Variants in CHD1L observed in about 807,000 individuals in gnomAD.
CHD1L encodes ATP-dependent chromatin remodeler CHD1L.
CHD1L carries 118 observed loss-of-function variants against 115.9 expected under a neutral mutation model. The ratio of observed to expected loss-of-function variants is 1.02; its 90% confidence interval spans 0.88 to 1.19. The LOEUF is 1.19. Ranked by LOEUF, CHD1L falls within the 50% of genes most tolerant of loss-of-function variation. The probability of loss-of-function intolerance (pLI) is 0.00; values close to 1 mark genes in which losing one functional copy is unlikely to be tolerated. For synonymous variants in CHD1L, 411 were observed against 387.1 expected, an observed-to-expected ratio of 1.06 and a Z score of -0.72; for missense variants, 1,179 against 1,065.3, an observed-to-expected ratio of 1.11 and a Z score of -1.49.
At chr1:147,235,802 T>C in the CHD1L span, among the ~76,000 whole-genome samples, 1 of 152,186 alleles carries the variant, frequency 6.6e-6, no homozygotes, top group African/African-American at 2.4e-5. Flanking sequence ...TCCTATGGTA[T>C]ATTATTGAGA....
the CHD1L span, among the ~76,000 whole-genome samples, chr1:147,190,797 AG>A: frequency 1.3e-5 from 2 of 152,026 alleles, no homozygotes; most frequent in South Asian, 2.1e-4. Flanking sequence ...CTCGTCATTT[AG>A]CATTAGGTAT....
At chr1:147,188,385 G>A in the CHD1L span, among the ~76,000 whole-genome samples, 11,312 of 151,826 alleles carry the variant, frequency 0.075, 456 homozygotes, top group South Asian at 0.12. Context: ...TTAGCTGGGC[G>A]TTGTTAGTAT....
chr1:147,283,431 T>C (rs1489974119), intron 15 of CHD1L, among the ~76,000 whole-genome samples: 1 of 152,248 alleles, frequency 6.6e-6, no homozygotes, highest in Non-Finnish European at 1.5e-5. Flanking sequence ...ATCATTATCT[T>C]ACCTATCTGT....
At chr1:147,276,337 C>A in intron 14 of CHD1L, 80 bp downstream of exon 14, 2 of 1,171,320 alleles carry the variant, frequency 1.7e-6, no homozygotes, top group Non-Finnish European at 2.4e-6. Flanking sequence ...AAAGAACCAG[C>A]ACTCACCCTC....
chr1:147,288,010 T>C (rs1683936813), intron 19 of CHD1L, among the ~76,000 whole-genome samples: 1 of 152,184 alleles, frequency 6.6e-6, no homozygotes, highest in Non-Finnish European at 1.5e-5. Flanking sequence ...CTGAAAAATG[T>C]TGATCCCTGC....
At chr1:147,287,351 C>T (rs897521967) in intron 18 of CHD1L, among the ~76,000 whole-genome samples, 10 of 152,128 alleles carry the variant, frequency 6.6e-5, no homozygotes, top group African/African-American at 7.2e-5. Context: ...TCCGTCCTTC[C>T]GCAGTCATTT....
At chr1:147,197,911 T>C in the CHD1L span, among the ~76,000 whole-genome samples, 7,336 of 152,236 alleles carry the variant, frequency 0.048, 274 homozygotes, top group East Asian at 0.17. Flanking sequence ...CTGAAGAATG[T>C]TGAAGAACAG....
chr1:147,268,048 C>T (rs1308598681), intron 9 of CHD1L, among the ~76,000 whole-genome samples: 3 of 152,166 alleles, frequency 2.0e-5, no homozygotes, highest in Non-Finnish European at 4.4e-5. Flanking sequence ...AAGCCTTTGG[C>T]ACAGCTAATC....
intron 19 of CHD1L, 67 bp from the exon 20 acceptor site, chr1:147,291,415 T>A (rs2103003881): frequency 1.4e-5 from 18 of 1,312,930 alleles, no homozygotes; most frequent in Non-Finnish European, 2.0e-5. Flanking sequence ...GAAGGCGAGA[T>A]ACGAGGAGGA....
the CHD1L span, chr1:147,214,804 TAAC>T: frequency 6.6e-6 from 1 of 152,086 alleles, no homozygotes; most frequent in Non-Finnish European, 1.5e-5. Flanking sequence ...TTTATCCCCT[TAAC>T]TAGACTATAA....
the CHD1L span, chr1:147,209,817 T>A: frequency 6.6e-6 from 1 of 152,320 alleles, no homozygotes; most frequent in Non-Finnish European, 1.5e-5. Context: ...ACTGGTAAAG[T>A]TGAAAGCAGC....
rs1272061855 is a variant in CHD1L at position 147,279,921 on chromosome 1, G to C, written c.1540-105G>C. ...GAGCAGAAAGGCTGCCTGTTCATTA[G>C]AGAAGGACTGTGCCTGGTGTCGTTA... On this transcript the variant is annotated intron_variant, in intron 14 of 22. Transcript: ENST00000369258. 2.6e-6 allele frequency: 3 copies of C among 1,168,520 alleles called. No homozygotes were observed. In the African/African-American group the frequency reaches 4.6e-5, roughly 18 times the overall value. The allele number at this position is 1,168,520 out of a possible 1,614,324, so 72.4% of individuals were successfully genotyped here.
chr1:147,204,218 A>G, the CHD1L span: 2 of 1,389,450 alleles, frequency 1.4e-6, no homozygotes, highest in South Asian at 1.2e-5. Context: ...GTACACTGCT[A>G]TTTTTGCATC....
chr1:147,249,108 AG>A (rs1667546835), intron 1 of CHD1L, among the ~76,000 whole-genome samples: 1 of 152,078 alleles, frequency 6.6e-6, no homozygotes, highest in Non-Finnish European at 1.5e-5. Flanking sequence ...CTTTGAGGGT[AG>A]GTTTGTTGAT....
intron 6 of CHD1L, 34 bp downstream of exon 6, chr1:147,259,952 AC>A: frequency 6.8e-7 from 1 of 1,469,916 alleles, no homozygotes; most frequent in Non-Finnish European, 9.4e-7. Context: ...TTTTTATATA[AC>A]CCCTTCTTTT....
chr1:147,182,631 G>T, the CHD1L span, among the ~76,000 whole-genome samples: 1 of 152,186 alleles, frequency 6.6e-6, no homozygotes, highest in Non-Finnish European at 1.5e-5. Flanking sequence ...TTATAGCGAG[G>T]CAGAGAGCTT....
upstream of CHD1L, among the ~76,000 whole-genome samples, chr1:147,241,494 G>A (rs1430384692): frequency 1.3e-5 from 2 of 151,812 alleles, no homozygotes; most frequent in Admixed American, 6.6e-5. Flanking sequence ...ATCTCCCTTC[G>A]CTGACTCTTT....
At chr1:147,183,421 CTTACTATG>C in the CHD1L span, among the ~76,000 whole-genome samples, 1 of 152,136 alleles carries the variant, frequency 6.6e-6, no homozygotes, top group African/African-American at 2.4e-5. Context: ...TTACTGAGGT[CTTACTATG>C]TTTCAGCCAC....
Position 147,255,908 on chromosome 1 carries a change from T to G in CHD1L, c.443T>G (p.Val148Gly). 1 of 1,613,120 alleles carries G rather than the reference T, an allele frequency of 6.2e-7. No homozygotes were observed. The highest frequency in any genetic ancestry group is 8.5e-7 in the Non-Finnish European group (1 of 1,179,244). ...QDLKQESRFH[V>G]LLTTYEICLK... is the part of the protein sequence containing the mutation. ...CTGAAACAGGAGTCACGTTTTCATG[T>G]GCTACTGACTACCTATGAGGTATTC... Residue 148 changes from valine to glycine, a missense_variant, in exon 4 of 23, where the codon GTG becomes GGG. Val to Gly is a moderately radical substitution (Grantham distance 109, BLOSUM62 -3). Coordinates refer to ENST00000369258, the MANE Select transcript of CHD1L (RefSeq NM_004284.6).
Sources: allele counts gnomAD v4.1 joint callset (sites outside exome capture counted in the v4.1 genomes callset), GRCh38; gene constraint gnomAD v4.1.1; transcripts MANE v1.5; gene names NCBI Gene and HGNC (gene_info 2026-07-23, HGNC 2026-07-21).